The following ANKRD17 variants were observed in gnomAD, a reference collection of about 807,000 sequenced individuals.
ANKRD17 encodes the protein ankyrin repeat domain 17, also known as ankyrin repeat domain-containing protein 17.
Under a neutral mutation model 229.7 loss-of-function variants are expected in ANKRD17, and 19 were observed. The observed-to-expected ratio is 0.08, with a 90% CI of 0.06 to 0.12. The LOEUF (loss-of-function observed/expected upper bound fraction) is 0.12, where lower values mean the gene tolerates loss of function less well. Among genes scored for constraint, ANKRD17 ranks in the 10% least tolerant of loss-of-function variants. The pLI is 1.00. For missense variants in ANKRD17, 2,176 were observed against 3,176.8 expected, an observed-to-expected ratio of 0.68 and a Z score of 7.57; for synonymous variants, 1,112 against 1,146.1, an observed-to-expected ratio of 0.97 and a Z score of 0.60.
chr4:73,118,556 G>A lies in ANKRD17; in HGVS notation c.4188+132C>T, dbSNP rs1449779548. 5.1e-6 allele frequency: 5 copies of A among 986,984 alleles called. No individual in the cohort carries two copies. The East Asian group carries it at 7.3e-5, about 14-fold the overall frequency. 61.1% of individuals were successfully genotyped at this position (986,984 alleles called of 1,614,324 possible). ...ATCTACATTTAATGTTGCCATAAGAGTAATTATTTGCATATTATTGCTTTC... is the reference window on the plus strand; with the variant it reads ...ATCTACATTTAATGTTGCCATAAGAATAATTATTTGCATATTATTGCTTTC... On this transcript the variant is annotated intron_variant, in intron 22 of 33. Transcript: ENST00000358602.
At chr4:73,153,030 T>C (rs1046844194) in intron 6 of ANKRD17, among the ~76,000 whole-genome samples, 9 of 152,176 alleles carry the variant, frequency 5.9e-5, no homozygotes, top group Non-Finnish European at 2.9e-5. Context: ...GCTACTCTTA[T>C]ATAGAACAAA....
rs537686301 is a variant in ANKRD17 at position 73,197,224 on chromosome 4, T to A, written c.394-19691A>T. 3.3e-5 allele frequency among the ~76,000 whole-genome samples: 5 copies of A among 152,294 alleles called. No homozygotes were observed. In the South Asian group the frequency reaches 8.3e-4, roughly 25 times the overall value. ...CTATGCAAACACCACTGAAGTCTTATATTCCTACAGCCATATAGAGAATAC... is the reference window on the plus strand; with the variant it reads ...CTATGCAAACACCACTGAAGTCTTAAATTCCTACAGCCATATAGAGAATAC... On this transcript the variant is annotated intron_variant, in intron 1 of 33. Coordinates refer to ENST00000358602, the MANE Select transcript of ANKRD17 (RefSeq NM_032217.5).
At chr4:73,157,629 A>G (rs1731838520) in intron 3 of ANKRD17, among the ~76,000 whole-genome samples, 1 of 152,166 alleles carries the variant, frequency 6.6e-6, no homozygotes, top group Admixed American at 6.5e-5. Flanking sequence ...GCACCTACAG[A>G]TAATCACTTT....
intron 1 of ANKRD17, among the ~76,000 whole-genome samples, chr4:73,183,234 A>G (rs1333196737): frequency 6.6e-6 from 1 of 152,196 alleles, no homozygotes; most frequent in Non-Finnish European, 1.5e-5. Flanking sequence ...TAAAAACAGT[A>G]TTTTTGAGAC....
intron 16 of ANKRD17, among the ~76,000 whole-genome samples, chr4:73,132,435 A>T (rs1728340575): frequency 6.6e-6 from 1 of 152,138 alleles, no homozygotes; most frequent in Admixed American, 6.5e-5. Context: ...AAAAACAAAC[A>T]TCAAAAATTA....
Position 73,093,187 on chromosome 4 carries a change from G to GTAAAAAATA in ANKRD17, c.5327+883_5328-888dup, listed in dbSNP as rs1333832474. 5.3e-5 allele frequency among the ~76,000 whole-genome samples: 8 copies of GTAAAAAATA among 152,210 alleles called. No individual in the cohort carries two copies. In the South Asian group the frequency reaches 1.7e-3, roughly 32 times the overall value. On this transcript the variant is annotated intron_variant, in intron 28 of 33. Transcript: ENST00000358602. ...CCTCATACAAACTTATATCTGCCAT[G>GTAAAAAATA]TAAAAAATATAAAACTCTTTTTCAA...
At chr4:73,222,647 C>A (rs1042494620) in intron 1 of ANKRD17, among the ~76,000 whole-genome samples, 17 of 152,156 alleles carry the variant, frequency 1.1e-4, no homozygotes, top group Admixed American at 6.6e-5. Context: ...AGCTGCTTTG[C>A]AGACCCCACC....
chr4:73,098,161 T>C lies in ANKRD17; in HGVS notation c.4933A>G (p.Thr1645Ala), dbSNP rs1723532970. ...SDNHSPAVVT[T>A]TVSSKKQPSV... ...GGCTGCTTTTTGCTGCTCACAGTGG[T>C]AGTGACCACAGCTGGTGAATGATTG... The change falls in exon 26 of 34, where the codon ACC becomes GCC. Residue 1645 changes from threonine (T) to alanine (A), a missense_variant. By Grantham distance (58) the Thr-to-Ala change is moderately conservative (BLOSUM62 0). Coordinates refer to ENST00000358602, the MANE Select transcript of ANKRD17 (RefSeq NM_032217.5). 1 of 1,614,218 alleles carries C rather than the reference T, an allele frequency of 6.2e-7. No individual in the cohort carries two copies. The highest frequency in any genetic ancestry group is 8.5e-7 in the Non-Finnish European group (1 of 1,180,032).
At chr4:73,136,216 C>T (rs1015939217) in intron 15 of ANKRD17, among the ~76,000 whole-genome samples, 2 of 152,038 alleles carry the variant, frequency 1.3e-5, no homozygotes, top group African/African-American at 2.4e-5. Flanking sequence ...ATTAAAAATG[C>T]TATAGTATTA....
rs77609739 is a variant in ANKRD17 at position 73,232,530 on chromosome 4, G to C, written c.393+25746C>G. Among the ~76,000 whole-genome samples, 346 of 152,232 alleles carry C rather than the reference G, an allele frequency of 2.3e-3. 1 individual carries two copies. Among genetic ancestry groups the C allele is most frequent in the African/African-American group, 8.1e-3 (338 of 41,556 alleles). On this transcript the variant is annotated intron_variant, in intron 1 of 33. Coordinates refer to ENST00000358602, the MANE Select transcript of ANKRD17 (RefSeq NM_032217.5). Reference sequence around the variant, plus strand: ...AAAATCGAGCATGTAAGCCAGTCAAGAAAGAATTAGGCATCTTACATTAAA... The same window carrying C: ...AAAATCGAGCATGTAAGCCAGTCAACAAAGAATTAGGCATCTTACATTAAA...
intron 1 of ANKRD17, among the ~76,000 whole-genome samples, chr4:73,211,982 G>GA (rs768578679): frequency 6.6e-6 from 1 of 151,906 alleles, no homozygotes; most frequent in African/African-American, 2.4e-5. Context: ...TATTTCAAAT[G>GA]ATGTACAAAG....
chr4:73,157,682 A>G (rs186560807), intron 3 of ANKRD17, among the ~76,000 whole-genome samples: 311 of 152,284 alleles, frequency 2.0e-3, no homozygotes, highest in Non-Finnish European at 3.6e-3. Flanking sequence ...TAAGACCAAC[A>G]TCTTTGTCTC....
chr4:73,247,819 CTT>C (rs1578518250), intron 1 of ANKRD17, among the ~76,000 whole-genome samples: 1 of 151,976 alleles, frequency 6.6e-6, no homozygotes, highest in Middle Eastern at 3.4e-3. Flanking sequence ...TACCTCTGCT[CTT>C]TGTGATAATT....
chr4:73,232,425 G>C (rs1053833780), intron 1 of ANKRD17, among the ~76,000 whole-genome samples: 1 of 152,022 alleles, frequency 6.6e-6, no homozygotes, highest in East Asian at 1.9e-4. Flanking sequence ...TTGTACTTCC[G>C]AATTTTTCAC....
intron 15 of ANKRD17, among the ~76,000 whole-genome samples, chr4:73,136,980 G>GTTTT (rs33966935): frequency 2.3e-5 from 3 of 131,218 alleles, no homozygotes; most frequent in Non-Finnish European, 3.2e-5. Context: ...AAATTACAGA[G>GTTTT]TTTTTTTTTT....
intron 14 of ANKRD17, 60 bp from the exon 15 acceptor site, chr4:73,140,343 A>G (rs1406200838): frequency 1.3e-6 from 2 of 1,509,784 alleles, no homozygotes; most frequent in Admixed American, 4.6e-5. Flanking sequence ...TTACAGAGTT[A>G]CTGTTGGGAG....
rs568891388 is a variant in ANKRD17 at position 73,076,038 on chromosome 4, C to T, written c.*193G>A. 7 of 453,034 alleles carry T rather than the reference C, an allele frequency of 1.5e-5. No individual in the cohort carries two copies. Among genetic ancestry groups the T allele is most frequent in the African/African-American group, 8.1e-5 (4 of 49,080 alleles). 28.1% of individuals were successfully genotyped at this position (453,034 alleles called of 1,614,324 possible). A position where few individuals can be genotyped will look rare whatever the true frequency, so the allele number is the denominator to read the frequency against. On this transcript the variant is annotated 3_prime_UTR_variant, in exon 34 of 34. Transcript: ENST00000358602. Reference sequence around the variant, plus strand: ...AAGAAAAATGCTAACTAAGGTAAAACGGATGATGATGGGGAATGGGCAGTC... The same window carrying T: ...AAGAAAAATGCTAACTAAGGTAAAATGGATGATGATGGGGAATGGGCAGTC...
At chr4:73,112,765 A>G (rs1240861344) in intron 24 of ANKRD17, 1 of 778,404 alleles carries the variant, frequency 1.3e-6, no homozygotes, top group African/African-American at 1.9e-5. Flanking sequence ...GTTAAATTTT[A>G]TAGCATTTTG....
chr4:73,079,931 C>A (rs1349381427), intron 30 of ANKRD17, among the ~76,000 whole-genome samples: 1 of 151,760 alleles, frequency 6.6e-6, no homozygotes, highest in African/African-American at 2.4e-5. Flanking sequence ...TATGGTGATA[C>A]CCTGTCTCTA....
Sources: gnomAD v4.1 joint callset for allele counts (sites outside exome capture counted in the v4.1 genomes callset) on GRCh38, gnomAD v4.1.1 for gene constraint, MANE v1.5 for transcripts, NCBI Gene and HGNC (gene_info 2026-07-23, HGNC 2026-07-21) for gene names.